TRPM3: variants seen among roughly 807,000 people sequenced by gnomAD.
TRPM3 encodes the protein long transient receptor potential channel 3.
TRPM3 carries 77 observed loss-of-function variants against 181.2 expected under a neutral mutation model. The observed-to-expected ratio is 0.42, with a 90% CI of 0.35 to 0.51. The LOEUF (loss-of-function observed/expected upper bound fraction) is 0.51. TRPM3 is among the 20% of genes least tolerant of loss of function. TRPM3 has a pLI of 0.01. For missense variants in TRPM3, 1,759 were observed against 2,196.7 expected (o/e 0.80, Z 3.98); for synonymous variants, 745 against 796.4 (o/e 0.94, Z 1.09).
chr9:71,384,775 GAAT>G, intron 1 of TRPM3, among the ~76,000 whole-genome samples: 1 of 152,202 alleles, frequency 6.6e-6, no homozygotes, highest in East Asian at 1.9e-4. Flanking sequence ...ACCATATTAA[GAAT>G]AATTTATTTT....
At chr9:71,423,055 A>G (rs1248269508) in intron 1 of TRPM3, among the ~76,000 whole-genome samples, 1 of 152,046 alleles carries the variant, frequency 6.6e-6, no homozygotes, top group African/African-American at 2.4e-5. Context: ...GCTGATTATT[A>G]AGAGTTTTGC....
chr9:71,128,627 C>T (rs2074195827), intron 1 of TRPM3, among the ~76,000 whole-genome samples: 1 of 152,186 alleles, frequency 6.6e-6, no homozygotes, highest in Non-Finnish European at 1.5e-5. Flanking sequence ...CACACCCACA[C>T]ACAGAATGTA....
At chr9:71,080,749 A>T (rs1172450448) in intron 1 of TRPM3, among the ~76,000 whole-genome samples, 4 of 152,146 alleles carry the variant, frequency 2.6e-5, no homozygotes, top group Non-Finnish European at 4.4e-5. Flanking sequence ...TTAAATAGCA[A>T]ATAAAAACAC....
chr9:71,140,173 C>T (rs573655837), intron 1 of TRPM3, among the ~76,000 whole-genome samples: 1 of 152,248 alleles, frequency 6.6e-6, no homozygotes, highest in Admixed American at 6.5e-5. Context: ...GCAAGATAAT[C>T]AAATGCCTTT....
intron 22 of TRPM3, among the ~76,000 whole-genome samples, chr9:70,568,758 A>C (rs1184251981): frequency 6.6e-6 from 1 of 152,218 alleles, no homozygotes; most frequent in Non-Finnish European, 1.5e-5. Context: ...CAAGGTGTGA[A>C]AGCTATTTTA....
chr9:71,207,646 T>C (rs1406422228), intron 1 of TRPM3, among the ~76,000 whole-genome samples: 1 of 152,140 alleles, frequency 6.6e-6, no homozygotes, highest in Non-Finnish European at 1.5e-5. Flanking sequence ...CTATAAATTC[T>C]CCACACAGTA....
At position 71,189,660 on chromosome 9, in the gene TRPM3, C is replaced by A. The variant is rs73647962; in HGVS notation, c.183+256993G>T. ...CTAGAACTACTGCATCCTCCCCACACAACCACTCACTTATCAAATACCTTT... is the reference window on the plus strand; with the variant it reads ...CTAGAACTACTGCATCCTCCCCACAAAACCACTCACTTATCAAATACCTTT... On this transcript the variant is annotated intron_variant, in intron 1 of 24. Coordinates refer to the TRPM3 transcript ENST00000357533. 3.4e-3 allele frequency among the ~76,000 whole-genome samples: 515 copies of A among 151,882 alleles called. 4 individuals carry two copies. The highest frequency in any genetic ancestry group is 0.012 in the African/African-American group (497 of 41,498).
chr9:70,888,497 AT>A (rs1277819102), intron 1 of TRPM3, among the ~76,000 whole-genome samples: 1 of 151,882 alleles, frequency 6.6e-6, no homozygotes, highest in African/African-American at 2.4e-5. Context: ...AAAGTTTACT[AT>A]TTTTTATTAG....
intron 1 of TRPM3, among the ~76,000 whole-genome samples, chr9:71,168,560 A>T (rs1188554349): frequency 0.064 from 2,053 of 32,068 alleles, 122 homozygotes; most frequent in African/African-American, 0.21. Context: ...TTATTTATTT[A>T]TTTATTTATT....
At chr9:70,607,768 T>TATTTC (rs1475696905) in intron 19 of TRPM3, among the ~76,000 whole-genome samples, 7 of 152,320 alleles carry the variant, frequency 4.6e-5, no homozygotes, top group Non-Finnish European at 8.8e-5. Flanking sequence ...TTGATACTAT[T>TATTTC]ATTTCTACTG....
chr9:70,811,565 G>A (rs1370201211), intron 6 of TRPM3, among the ~76,000 whole-genome samples: 1 of 152,162 alleles, frequency 6.6e-6, no homozygotes, highest in East Asian at 1.9e-4. Flanking sequence ...TTGTACTGAT[G>A]CTTAGAACTT....
At chr9:71,071,329 C>T (rs1208383683) in intron 1 of TRPM3, among the ~76,000 whole-genome samples, 1 of 152,142 alleles carries the variant, frequency 6.6e-6, no homozygotes, top group African/African-American at 2.4e-5. Context: ...ATTTGAGGCA[C>T]TGTATTTGGG....
At chr9:70,922,389 G>A (rs1229255382) in intron 1 of TRPM3, among the ~76,000 whole-genome samples, 1 of 152,062 alleles carries the variant, frequency 6.6e-6, no homozygotes, top group African/African-American at 2.4e-5. Flanking sequence ...AAAGAAGTTC[G>A]ACTGTTGTGC....
At chr9:70,629,969 G>A (rs1273945301) in intron 12 of TRPM3, among the ~76,000 whole-genome samples, 5 of 152,206 alleles carry the variant, frequency 3.3e-5, no homozygotes, top group East Asian at 3.9e-4. Flanking sequence ...GGTGTCCTGC[G>A]TGGACTCTGA....
At chr9:71,224,780 A>G (rs556633506) in intron 1 of TRPM3, among the ~76,000 whole-genome samples, 2 of 152,220 alleles carry the variant, frequency 1.3e-5, no homozygotes, top group African/African-American at 2.4e-5. Context: ...CCCTGTCTCT[A>G]AAAGAAAAAA....
intron 1 of TRPM3, among the ~76,000 whole-genome samples, chr9:70,979,624 T>C (rs1440590855): frequency 6.6e-6 from 1 of 152,182 alleles, no homozygotes; most frequent in African/African-American, 2.4e-5. Flanking sequence ...CTAACATAAG[T>C]GACCTAAATT....
chr9:71,013,856 T>C (rs749756633), intron 1 of TRPM3, among the ~76,000 whole-genome samples: 44 of 152,050 alleles, frequency 2.9e-4, no homozygotes, highest in Admixed American at 1.2e-3. Flanking sequence ...GTCTAATTGA[T>C]GACCTATATT....
intron 1 of TRPM3, among the ~76,000 whole-genome samples, chr9:71,322,994 C>G (rs1275322301): frequency 6.6e-6 from 1 of 152,060 alleles, no homozygotes; most frequent in African/African-American, 2.4e-5. Context: ...ATTTCTCCAT[C>G]TTTTTTGCCC....
chr9:71,276,803 C>A (rs1275294666), intron 1 of TRPM3, among the ~76,000 whole-genome samples: 1 of 152,074 alleles, frequency 6.6e-6, no homozygotes, highest in Non-Finnish European at 1.5e-5. Flanking sequence ...GGTATTAATT[C>A]TTGACAAATT....
Sources: allele counts gnomAD v4.1 joint callset (sites outside exome capture counted in the v4.1 genomes callset), GRCh38; gene constraint gnomAD v4.1.1; transcripts MANE v1.5; gene names NCBI Gene and HGNC (gene_info 2026-07-23, HGNC 2026-07-21).